OSBPL10: variants seen among roughly 807,000 people sequenced by gnomAD.
OSBPL10 encodes oxysterol-binding protein-related protein 10.
Under a neutral mutation model 81.7 loss-of-function variants are expected in OSBPL10, and 49 were observed. The ratio of observed to expected loss-of-function variants is 0.60; its 90% confidence interval spans 0.48 to 0.76. The LOEUF is 0.76. Ranked by LOEUF, OSBPL10 falls within the 30% of genes least tolerant of loss-of-function variation. OSBPL10 has a pLI of 0.00. For missense variants in OSBPL10, 923 were observed against 987.8 expected, an observed-to-expected ratio of 0.93 and a Z score of 0.88; for synonymous variants, 419 against 383.6, an observed-to-expected ratio of 1.09 and a Z score of -1.08.
intron 1 of OSBPL10, among the ~76,000 whole-genome samples, chr3:31,886,122 A>G (rs1695731139): frequency 6.6e-6 from 1 of 152,160 alleles, no homozygotes. Context: ...AGAGAATTAC[A>G]AACATGCATG....
chr3:31,887,272 G>C (rs372539305), intron 1 of OSBPL10, among the ~76,000 whole-genome samples: 6 of 152,166 alleles, frequency 3.9e-5, no homozygotes, highest in African/African-American at 1.4e-4. Context: ...ACTACTTACA[G>C]AAAAACTCAG....
At chr3:31,809,563 T>C (rs1442844813) in intron 4 of OSBPL10, among the ~76,000 whole-genome samples, 1 of 152,204 alleles carries the variant, frequency 6.6e-6, no homozygotes, top group East Asian at 1.9e-4. Context: ...ACGGAGGTTT[T>C]AAAAGCTAGA....
At chr3:31,710,690 T>C (rs967431397) in intron 6 of OSBPL10, 5 of 152,040 alleles carry the variant, frequency 3.3e-5, no homozygotes, top group African/African-American at 1.2e-4. Context: ...CCAGCTGTGG[T>C]TTGGAGGTGA....
chr3:31,915,522 C>T (rs533763225), intron 1 of OSBPL10, among the ~76,000 whole-genome samples: 3 of 152,258 alleles, frequency 2.0e-5, no homozygotes, highest in African/African-American at 7.2e-5. Context: ...AAACCAAATG[C>T]CGCATATTCT....
intron 1 of OSBPL10, among the ~76,000 whole-genome samples, chr3:31,931,180 C>G (rs542333303): frequency 6.6e-6 from 1 of 151,956 alleles, no homozygotes; most frequent in Non-Finnish European, 1.5e-5. Flanking sequence ...GGAAACAATT[C>G]ATGGCATTCT....
At chr3:31,736,880 C>T (rs1697190671) in intron 5 of OSBPL10, among the ~76,000 whole-genome samples, 1 of 152,148 alleles carries the variant, frequency 6.6e-6, no homozygotes, top group African/African-American at 2.4e-5. Flanking sequence ...CCAGGCAACA[C>T]AGTAAGACCC....
At chr3:31,892,152 C>T (rs1313244835) in intron 1 of OSBPL10, among the ~76,000 whole-genome samples, 1 of 151,570 alleles carries the variant, frequency 6.6e-6, no homozygotes, top group Admixed American at 6.6e-5. Context: ...GAAATGGACT[C>T]GGGGAAGAGG....
At chr3:32,076,132 G>C (rs1699873521) in intron 1 of OSBPL10, among the ~76,000 whole-genome samples, 1 of 152,208 alleles carries the variant, frequency 6.6e-6, no homozygotes, top group East Asian at 1.9e-4. Flanking sequence ...CACTTTGGGA[G>C]ACCGAGGTGG....
chr3:31,862,170 CA>C (rs11358153), intron 3 of OSBPL10, among the ~76,000 whole-genome samples: 27,161 of 151,852 alleles, frequency 0.18, 6,344 homozygotes, highest in African/African-American at 0.54. Context: ...TATGTACCCA[CA>C]AAAAAATTTT....
intron 2 of OSBPL10, among the ~76,000 whole-genome samples, chr3:32,038,077 G>A (rs550666559): frequency 2.0e-5 from 3 of 152,232 alleles, no homozygotes; most frequent in Admixed American, 6.5e-5. Flanking sequence ...GTGTTCCCTC[G>A]AGCCTTTGCA....
intron 1 of OSBPL10, among the ~76,000 whole-genome samples, chr3:31,920,847 A>C (rs1292735720): frequency 2.6e-5 from 4 of 152,250 alleles, no homozygotes; most frequent in African/African-American, 9.6e-5. Flanking sequence ...CTCTCTCACC[A>C]TGTGATCCAC....
intron 1 of OSBPL10, among the ~76,000 whole-genome samples, chr3:31,932,945 C>G (rs1575043385): frequency 6.6e-6 from 1 of 152,092 alleles, no homozygotes; most frequent in African/African-American, 2.4e-5. Flanking sequence ...GAACTGTACA[C>G]TTGAAAAGGT....
chr3:31,782,492 G>C (rs1015805848), intron 4 of OSBPL10, among the ~76,000 whole-genome samples: 4 of 152,160 alleles, frequency 2.6e-5, no homozygotes, highest in Admixed American at 6.5e-5. Flanking sequence ...ATAATCAGCA[G>C]AGTAAACAGA....
chr3:31,764,467 A>C (rs1698142075), intron 4 of OSBPL10, among the ~76,000 whole-genome samples: 1 of 152,214 alleles, frequency 6.6e-6, no homozygotes, highest in Non-Finnish European at 1.5e-5. Flanking sequence ...AGGGCGATTA[A>C]AGGGAGGCAA....
At chr3:31,785,442 G>A (rs1332537091) in intron 4 of OSBPL10, among the ~76,000 whole-genome samples, 1 of 152,102 alleles carries the variant, frequency 6.6e-6, no homozygotes, top group African/African-American at 2.4e-5. Flanking sequence ...ATCCAGATCT[G>A]GCCAGGCAAT....
rs71097451 is a variant in OSBPL10, at chr3:31,846,632, CAATA to C, written c.538-16405_538-16402del. ...GGGCAACAAGAGCAAAACTCCATCT[CAATA>C]AATAAATAAATAAATAAATAAATAA... On this transcript the variant is annotated intron_variant, in intron 3 of 11. Transcript: ENST00000396556. Among the ~76,000 whole-genome samples the C allele has an allele frequency of 6.4e-3, 960 of 149,164 alleles. 6 individuals carry two copies. The highest frequency in any genetic ancestry group is 0.018 in the African/African-American group (720 of 40,386).
intron 5 of OSBPL10, among the ~76,000 whole-genome samples, chr3:31,747,161 C>T (rs983144420): frequency 4.0e-5 from 6 of 151,864 alleles, no homozygotes; most frequent in African/African-American, 1.5e-4. Flanking sequence ...ATGGTGAAAC[C>T]CCGTCTCTAC....
chr3:31,698,456 TATAAAATAAAA>T (rs1195428441), intron 7 of OSBPL10, among the ~76,000 whole-genome samples: 1 of 149,244 alleles, frequency 6.7e-6, no homozygotes, highest in African/African-American at 2.4e-5. Flanking sequence ...ATCTCAAAAA[TATAAAATAAAA>T]ATAAAACAAA....
chr3:31,930,621 T>G (rs1181427273), intron 1 of OSBPL10, among the ~76,000 whole-genome samples: 1 of 152,180 alleles, frequency 6.6e-6, no homozygotes, highest in East Asian at 1.9e-4. Context: ...AGGTACACTA[T>G]GTAGTCATAA....
Sources: allele counts gnomAD v4.1 joint callset (sites outside exome capture counted in the v4.1 genomes callset), GRCh38; gene constraint gnomAD v4.1.1; transcripts MANE v1.5; gene names NCBI Gene and HGNC (gene_info 2026-07-23, HGNC 2026-07-21).